GTF2E2: variants seen among roughly 807,000 people sequenced by gnomAD.
The protein encoded by GTF2E2 is transcription initiation factor IIE subunit beta.
Under a neutral mutation model 40.5 loss-of-function variants are expected in GTF2E2, and 21 were observed. The ratio of observed to expected loss-of-function variants is 0.52; its 90% confidence interval spans 0.37 to 0.75. GTF2E2 has a LOEUF of 0.75. GTF2E2 is among the 30% of genes least tolerant of loss of function. The pLI, the probability that GTF2E2 is intolerant of heterozygous loss-of-function variation, is 0.00. For synonymous variants in GTF2E2, 117 were observed against 121.6 expected, an observed-to-expected ratio of 0.96 and a Z score of 0.25; for missense variants, 298 against 338.4, an observed-to-expected ratio of 0.88 and a Z score of 0.94.
At chr8:30,636,316 T>TA (rs772636476) in intron 2 of GTF2E2, among the ~76,000 whole-genome samples, 24 of 152,084 alleles carry the variant, frequency 1.6e-4, no homozygotes, top group Non-Finnish European at 2.6e-4. Flanking sequence ...AGAGGTTAAG[T>TA]AAAAGGGGAG....
rs564660259 is a variant in GTF2E2 at position 30,589,097 on chromosome 8, C to CA, written c.644-8702dup. Among the ~76,000 whole-genome samples the CA allele has an allele frequency of 4.3e-3, 642 of 148,112 alleles. 4 individuals carry two copies. The highest frequency in any genetic ancestry group is 0.01 in the Middle Eastern group (3 of 290). ...TGAAACCCCATCTCTACTAAAAATG[C>CA]AAAAAAAAAATTATCCGGGCGTGGT... is the stretch of plus-strand genomic sequence containing the variant. On this transcript the variant is annotated intron_variant, in intron 6 of 7. Transcript: ENST00000355904.
Position 30,607,062 on chromosome 8 carries a change from TC to T in GTF2E2, c.637del (p.Asp213MetfsTer13). ...TATAATACAGAAAAGCTCACCTTCA[TC>T]CACAGAAAACTGACAGCTCTTATCA... ...FNDKSCQFSV[D>X]EEFQKLWRSV... On this transcript the variant is annotated frameshift_variant, in exon 6 of 8. Transcript: ENST00000355904. LOFTEE classifies it high-confidence loss of function. 7.6e-7 allele frequency: 1 copy of T among 1,321,242 alleles called. No individual in the cohort carries two copies. The highest frequency in any genetic ancestry group is 1.1e-6 in the Non-Finnish European group (1 of 934,914). 81.8% of individuals were successfully genotyped at this position (1,321,242 alleles called of 1,614,324 possible). A position where few individuals can be genotyped will look rare whatever the true frequency, so the allele number is the denominator to read the frequency against.
intron 7 of GTF2E2, among the ~76,000 whole-genome samples, chr8:30,579,676 G>C (rs546559783): frequency 5.9e-5 from 9 of 152,106 alleles, no homozygotes; most frequent in African/African-American, 1.4e-4. Context: ...ATAAGGAAAG[G>C]GGGGAGGAGC....
intron 3 of GTF2E2, among the ~76,000 whole-genome samples, chr8:30,615,584 G>T (rs991118358): frequency 7.2e-5 from 11 of 152,156 alleles, no homozygotes; most frequent in African/African-American, 2.2e-4. Context: ...GTGCTAATTT[G>T]AAAAGATGTC....
chr8:30,581,124 T>G (rs1325066212), intron 6 of GTF2E2, among the ~76,000 whole-genome samples: 1 of 152,188 alleles, frequency 6.6e-6, no homozygotes, highest in Admixed American at 6.5e-5. Context: ...ATCACTGGTT[T>G]CACTTAATTA....
chr8:30,608,662 A>T (rs1477268248), intron 5 of GTF2E2, among the ~76,000 whole-genome samples: 1 of 152,228 alleles, frequency 6.6e-6, no homozygotes, highest in African/African-American at 2.4e-5. Flanking sequence ...CTGACATGAC[A>T]TGCCAAAGAA....
chr8:30,645,550 A>T (rs1189362519), intron 2 of GTF2E2: 16 of 1,535,584 alleles, frequency 1.0e-5, no homozygotes, highest in Non-Finnish European at 1.4e-5. Context: ...CAACCCTCTT[A>T]GAAGTATGAT....
intron 1 of GTF2E2, among the ~76,000 whole-genome samples, chr8:30,656,365 AG>A (rs537118840): frequency 6.6e-6 from 1 of 152,282 alleles, no homozygotes; most frequent in South Asian, 2.1e-4. Flanking sequence ...CCTTGGGAGG[AG>A]GGAAAGCGTG....
intron 6 of GTF2E2, among the ~76,000 whole-genome samples, chr8:30,594,656 G>A (rs1290134861): frequency 2.6e-5 from 4 of 151,316 alleles, no homozygotes; most frequent in Admixed American, 6.6e-5. Context: ...TCAGAAGTTC[G>A]AGACCAGCCC....
At chr8:30,650,818 A>T (rs1182418567) in intron 2 of GTF2E2, among the ~76,000 whole-genome samples, 1 of 152,170 alleles carries the variant, frequency 6.6e-6, no homozygotes, top group Non-Finnish European at 1.5e-5. Context: ...GATCGAGACC[A>T]TCCTGGCTAA....
At chr8:30,635,312 G>A (rs1258248385) in intron 2 of GTF2E2, among the ~76,000 whole-genome samples, 189 bp from the exon 3 acceptor site, 2 of 151,638 alleles carry the variant, frequency 1.3e-5, no homozygotes, top group Non-Finnish European at 2.9e-5. Context: ...TCTCACTAAG[G>A]GTAGAAACAA....
At chr8:30,630,791 T>A (rs1269159116) in intron 3 of GTF2E2, among the ~76,000 whole-genome samples, 1 of 152,174 alleles carries the variant, frequency 6.6e-6, no homozygotes, top group African/African-American at 2.4e-5. Context: ...CTTCTTGTCT[T>A]TTCCAGTCAC....
chr8:30,613,664 T>C (rs1409821098), intron 4 of GTF2E2, among the ~76,000 whole-genome samples: 1 of 152,250 alleles, frequency 6.6e-6, no homozygotes, highest in Admixed American at 6.5e-5. Context: ...ACTACAATTA[T>C]ACTGATTAAT....
intron 3 of GTF2E2, among the ~76,000 whole-genome samples, chr8:30,624,993 C>T (rs1449503172): frequency 6.6e-6 from 1 of 151,756 alleles, no homozygotes; most frequent in Admixed American, 6.6e-5. Context: ...AATGAATACC[C>T]TTTATTTCTT....
chr8:30,640,721 G>A lies in GTF2E2; in HGVS notation c.167-5598C>T, dbSNP rs181683475. ...AATGATGTATTTCTATTTTTTGGCG[G>A]GGGGACGGAGTCTCACTCTATCGCC... On this transcript the variant is annotated intron_variant, in intron 2 of 7. Transcript: ENST00000355904. Among the ~76,000 whole-genome samples, 783 of 152,158 alleles carry A rather than the reference G, an allele frequency of 5.1e-3. 3 individuals carry two copies. The highest frequency in any genetic ancestry group is 7.4e-3 in the Non-Finnish European group (502 of 68,008).
intron 6 of GTF2E2, among the ~76,000 whole-genome samples, chr8:30,585,751 T>C (rs1287037883): frequency 3.0e-5 from 4 of 132,166 alleles, no homozygotes; most frequent in Non-Finnish European, 6.2e-5. Flanking sequence ...AGTGTTAGCA[T>C]TAAGGTACAT....
intron 3 of GTF2E2, among the ~76,000 whole-genome samples, chr8:30,623,184 C>G (rs1297910203): frequency 2.0e-5 from 3 of 152,068 alleles, no homozygotes; most frequent in African/African-American, 7.3e-5. Flanking sequence ...TCTTCACAAT[C>G]CACGTTCTTC....
At chr8:30,586,370 A>G (rs375699974) in intron 6 of GTF2E2, among the ~76,000 whole-genome samples, 8 of 152,150 alleles carry the variant, frequency 5.3e-5, no homozygotes, top group East Asian at 1.9e-4. Context: ...GTTACCATAA[A>G]AGAGACTTTG....
At chr8:30,614,471 TC>T in intron 4 of GTF2E2, 136 bp downstream of exon 4, 1 of 548,980 alleles carries the variant, frequency 1.8e-6, no homozygotes. Flanking sequence ...TCCCAACTAC[TC>T]GGGAGGCTGA....
Sources: allele counts gnomAD v4.1 joint callset (sites outside exome capture counted in the v4.1 genomes callset), GRCh38; gene constraint gnomAD v4.1.1; transcripts MANE v1.5; gene names NCBI Gene and HGNC (gene_info 2026-07-23, HGNC 2026-07-21).